GANC: variants seen among roughly 807,000 people sequenced by gnomAD.
The protein encoded by GANC is neutral alpha-glucosidase C.
GANC carries 117 observed loss-of-function variants against 124.2 expected under a neutral mutation model. The ratio of observed to expected loss-of-function variants is 0.94; its 90% confidence interval spans 0.81 to 1.10. The LOEUF is 1.10. Among genes scored for constraint, GANC ranks in the 50% least tolerant of loss-of-function variants. The probability of loss-of-function intolerance (pLI) is 0.00; values close to 1 mark genes in which losing one functional copy is unlikely to be tolerated. For synonymous variants in GANC, 377 were observed against 376.8 expected, an observed-to-expected ratio of 1.00 and a Z score of -0.01; for missense variants, 1,140 against 1,095.0, an observed-to-expected ratio of 1.04 and a Z score of -0.58.
chr15:42,312,799 CATG>C (rs2052064692), intron 10 of GANC, among the ~76,000 whole-genome samples: 2 of 151,926 alleles, frequency 1.3e-5, no homozygotes, highest in Admixed American at 6.6e-5. Context: ...ATTGGCCAGG[CATG>C]GTGGTGGGCT....
At chr15:42,336,058 A>C (rs1429630450) in intron 15 of GANC, among the ~76,000 whole-genome samples, 1 of 152,006 alleles carries the variant, frequency 6.6e-6, no homozygotes, top group Non-Finnish European at 1.5e-5. Context: ...CAATTTATAG[A>C]TTCCGTGCTA....
rs770274859 is a variant in GANC, at chr15:42,351,279, A to C, written c.2532-50A>C. The C allele has an allele frequency of 4.4e-6, 6 of 1,373,782 alleles. No homozygotes were observed. In the Admixed American group the frequency reaches 8.4e-5, roughly 19 times the overall value. The allele number at this position is 1,373,782 out of a possible 1,614,324, so 85.1% of individuals were successfully genotyped here. ...GGCTGGAGATGTTGAGCTGGTGGCC[A>C]CTTCAAACCCCCATCCCTCTCCTTT... On this transcript the variant is annotated intron_variant, in intron 22 of 23. Coordinates refer to ENST00000318010, the MANE Select transcript of GANC (RefSeq NM_198141.3).
In GANC at chr15:42,328,575, A is replaced by T. The variant is rs2052215282; in HGVS notation, c.1501-731A>T. On this transcript the variant is annotated intron_variant, in intron 13 of 23. Coordinates refer to ENST00000318010, the MANE Select transcript of GANC (RefSeq NM_198141.3). ...TTCTTGTGGGCGAGGTGACAGATGT[A>T]TTCTGTGGGGTCTCAGAAGGTAAGC... Among the ~76,000 whole-genome samples, 3 of 151,854 alleles carry T rather than the reference A, an allele frequency of 2.0e-5. No homozygotes were observed. The South Asian group carries it at 6.2e-4, about 32-fold the overall frequency.
chr15:42,285,529 T>C (rs1237288969), intron 3 of GANC, among the ~76,000 whole-genome samples: 1 of 152,184 alleles, frequency 6.6e-6, no homozygotes, highest in Non-Finnish European at 1.5e-5. Flanking sequence ...GCACAGTGGC[T>C]CATACTTGTA....
intron 7 of GANC, among the ~76,000 whole-genome samples, 153 bp downstream of exon 7, chr15:42,306,765 C>T (rs1306787123): frequency 6.6e-6 from 1 of 152,170 alleles, no homozygotes; most frequent in Admixed American, 6.5e-5. Flanking sequence ...TTCAGTAATG[C>T]ATTGCATCAG....
intron 6 of GANC, among the ~76,000 whole-genome samples, chr15:42,302,167 A>G (rs1057449214): frequency 1.3e-5 from 2 of 152,188 alleles, no homozygotes; most frequent in African/African-American, 2.4e-5. Context: ...ACAGGCAGCA[A>G]TCTTTGCTGT....
At position 42,288,677 on chromosome 15, in the gene GANC, AT is replaced by A. The variant is rs563362751; in HGVS notation, c.329+867del. Among the ~76,000 whole-genome samples, 35 of 152,110 alleles carry A rather than the reference AT, an allele frequency of 2.3e-4. No individual in the cohort carries two copies. In the South Asian group the frequency reaches 5.4e-3, roughly 23 times the overall value. On this transcript the variant is annotated intron_variant, in intron 4 of 23. Transcript: ENST00000318010. ...ATATGCCAATAACTTAGTAAACATA[AT>A]TTTTTTTAATTTAATTTTTTCTTTT...
At chr15:42,330,370 G>A (rs1263269366) in intron 14 of GANC, among the ~76,000 whole-genome samples, 1 of 152,124 alleles carries the variant, frequency 6.6e-6, no homozygotes, top group Non-Finnish European at 1.5e-5. Context: ...CATTGCTATT[G>A]TTAACCAAAG....
At chr15:42,309,625 C>T (rs1400102486) in intron 8 of GANC, among the ~76,000 whole-genome samples, 1 of 151,976 alleles carries the variant, frequency 6.6e-6, no homozygotes, top group Non-Finnish European at 1.5e-5. Context: ...AGCCTGGACA[C>T]AATTCTTTTA....
chr15:42,340,616 AACT>A, intron 17 of GANC, 71 bp from the exon 18 acceptor site: 1 of 1,238,394 alleles, frequency 8.1e-7, no homozygotes, highest in Non-Finnish European at 1.1e-6. Flanking sequence ...AAAAAAAAAA[AACT>A]AAAAATATAA....
At chr15:42,283,753 T>C (rs1323130790) in intron 3 of GANC, 2 of 702,602 alleles carry the variant, frequency 2.8e-6, no homozygotes, top group South Asian at 3.0e-5. Flanking sequence ...ACCAGCCACC[T>C]TCTCAGCAGA....
chr15:42,277,237 A>G (rs548663953), intron 2 of GANC, among the ~76,000 whole-genome samples: 1 of 152,302 alleles, frequency 6.6e-6, no homozygotes, highest in East Asian at 1.9e-4. Flanking sequence ...TCAACATTAT[A>G]TAAGATTGCC....
intron 10 of GANC, among the ~76,000 whole-genome samples, chr15:42,316,026 T>C (rs1352480366): frequency 6.6e-6 from 1 of 152,026 alleles, no homozygotes; most frequent in Non-Finnish European, 1.5e-5. Flanking sequence ...ATATTCAATA[T>C]AAATCCTATT....
At chr15:42,291,735 C>T (rs1318495723) in intron 4 of GANC, among the ~76,000 whole-genome samples, 1 of 152,042 alleles carries the variant, frequency 6.6e-6, no homozygotes, top group African/African-American at 2.4e-5. Context: ...TGTGGTAGGA[C>T]CCATGTAGTA....
intron 4 of GANC, among the ~76,000 whole-genome samples, chr15:42,292,099 A>C (rs759121711): frequency 3.3e-5 from 5 of 152,198 alleles, no homozygotes; most frequent in Non-Finnish European, 7.3e-5. Context: ...CTGAGCTTAC[A>C]TAATTCTTGT....
intron 22 of GANC, among the ~76,000 whole-genome samples, chr15:42,350,952 A>T (rs1011846737): frequency 6.6e-6 from 1 of 150,946 alleles, no homozygotes; most frequent in Non-Finnish European, 1.5e-5. Flanking sequence ...GCTCACTGCA[A>T]CCTCTATCTC....
At chr15:42,342,890 T>C (rs535636690) in intron 18 of GANC, among the ~76,000 whole-genome samples, 188 bp from the exon 19 acceptor site, 1 of 151,308 alleles carries the variant, frequency 6.6e-6, no homozygotes, top group African/African-American at 2.4e-5. Context: ...CTCACCTCTT[T>C]GAGCGCCTGC....
chr15:42,303,339 A>G (rs2051964397), intron 6 of GANC, among the ~76,000 whole-genome samples: 1 of 152,236 alleles, frequency 6.6e-6, no homozygotes. Context: ...CTGCCTTGCA[A>G]GAGGTCCTGA....
Position 42,349,448 on chromosome 15 carries a change from A to G in GANC, c.2484A>G (p.Gln828=), listed in dbSNP as rs377015861. 1.6e-4 allele frequency: 258 copies of G among 1,613,596 alleles called. No homozygotes were observed. The highest frequency in any genetic ancestry group is 2.1e-4 in the Non-Finnish European group (244 of 1,179,762). Residue 828 remains glutamine (Q), a synonymous_variant, in exon 22 of 24, where the codon CAA becomes CAG. Coordinates refer to ENST00000318010, the MANE Select transcript of GANC (RefSeq NM_198141.3). ...GHSFQYLHQK[Q]FLHRKFSFCS... is the part of the protein sequence containing the mutation. The stretch of plus-strand genomic sequence containing the variant: ...CATTCCAATACCTCCACCAGAAGCA[A>G]TTTTTGCACAGGAAGTTTTCATTCT...
Sources: gnomAD v4.1 joint callset for allele counts (sites outside exome capture counted in the v4.1 genomes callset) on GRCh38, gnomAD v4.1.1 for gene constraint, MANE v1.5 for transcripts, NCBI Gene and HGNC (gene_info 2026-07-23, HGNC 2026-07-21) for gene names.